The following CD9 variants were observed in gnomAD, a reference collection of about 807,000 sequenced individuals.
CD9 encodes CD9 molecule.
CD9 carries 10 observed loss-of-function variants against 31.4 expected under a neutral mutation model. The observed-to-expected ratio is 0.32, with a 90% confidence interval of 0.20 to 0.54. The LOEUF (loss-of-function observed/expected upper bound fraction) is 0.54, where lower values mean the gene tolerates loss of function less well. Among genes scored for constraint, CD9 ranks in the 20% least tolerant of loss-of-function variants. The pLI is 0.94. For missense variants in CD9, 259 were observed against 300.1 expected (o/e 0.86, Z 1.01); for synonymous variants, 113 against 114.1 (o/e 0.99, Z 0.06).
chr12:6,212,675 CT>C (rs889099950), intron 1 of CD9, among the ~76,000 whole-genome samples: 18 of 152,186 alleles, frequency 1.2e-4, no homozygotes, highest in Non-Finnish European at 2.1e-4. Context: ...GAAATAGGCA[CT>C]TTTTTTGAGC....
At chr12:6,213,706 G>A (rs143301885) in intron 1 of CD9, among the ~76,000 whole-genome samples, 74 of 152,274 alleles carry the variant, frequency 4.9e-4, no homozygotes, top group African/African-American at 1.7e-3. Context: ...CATTGCTTGT[G>A]TAGACACCAG....
intron 1 of CD9, chr12:6,206,183 A>C (rs564292057): frequency 6.7e-5 from 10 of 149,370 alleles, no homozygotes; most frequent in African/African-American, 2.0e-4. Context: ...ATGCAGGGGA[A>C]TAGGGGGCGG....
rs17850834 is a variant in CD9 at position 6,237,785 on chromosome 12, T to C, written c.644T>C (p.Met215Thr). 27 of 1,613,340 alleles carry C rather than the reference T, an allele frequency of 1.7e-5. No homozygotes were observed. Among genetic ancestry groups the C allele is most frequent in the Non-Finnish European group, 2.2e-5 (26 of 1,179,402 alleles). Residue 215 changes from methionine (M) to threonine (T), a missense_variant, in exon 8 of 8, where the codon ATG becomes ACG. Transcript: ENST00000009180. ...VVMIFGMIFS[M>T]ILCCAIRRNR... ...TAGATATTTGGCATGATCTTCAGTA[T>C]GATCTTGTGCTGTGCTATCCGCAGG...
chr12:6,223,599 A>T (rs894306364), intron 1 of CD9, among the ~76,000 whole-genome samples: 2 of 150,766 alleles, frequency 1.3e-5, no homozygotes, highest in Non-Finnish European at 2.9e-5. Flanking sequence ...CTGGGGGGGG[A>T]CCCAGGCCAG....
chr12:6,229,820 C>CTT (rs60302514), intron 2 of CD9, among the ~76,000 whole-genome samples: 15 of 136,028 alleles, frequency 1.1e-4, no homozygotes, highest in Non-Finnish European at 1.6e-4. Flanking sequence ...ACCAGCCTTT[C>CTT]TTTTTTTTTT....
rs776480948 is a variant in CD9 at position 6,235,193 on chromosome 12, T to C, written c.349-36T>C. The C allele has an allele frequency of 2.1e-6, 3 of 1,411,752 alleles. No individual in the cohort carries two copies. In the Admixed American group the frequency reaches 5.2e-5, roughly 24 times the overall value. The allele number at this position is 1,411,752 out of a possible 1,614,324, so 87.5% of individuals were successfully genotyped here. On this transcript the variant is annotated intron_variant, in intron 4 of 7. Transcript: ENST00000009180. ...TTGTTCGTGGAGGAAGATGTGAAAA[T>C]GCCGTCTCTGCCCCTCTCTCGTCTG...
chr12:6,218,698 C>A (rs1366864924), intron 1 of CD9, among the ~76,000 whole-genome samples: 1 of 152,148 alleles, frequency 6.6e-6, no homozygotes, highest in East Asian at 1.9e-4. Flanking sequence ...GATTTCTGAA[C>A]CTGTCCCTGC....
chr12:6,200,301 G>A (rs1349079111), upstream of CD9: 2 of 334,722 alleles, frequency 6.0e-6, no homozygotes, highest in Non-Finnish European at 5.4e-6. Context: ...TGGCCGGCGG[G>A]GGGAGTGGGG....
intron 2 of CD9, 26 bp downstream of exon 2, chr12:6,225,560 A>G (rs769451801): frequency 6.3e-6 from 9 of 1,421,196 alleles, no homozygotes. Context: ...GGCTCAGTGA[A>G]TTCAGACCCT....
chr12:6,216,660 G>T (rs997840983), intron 1 of CD9, among the ~76,000 whole-genome samples: 4 of 152,158 alleles, frequency 2.6e-5, no homozygotes, highest in African/African-American at 9.7e-5. Context: ...TCCAGTCTTA[G>T]TGGAGCTCTG....
chr12:6,200,135 A>G (rs1946055488), upstream of CD9: 1 of 152,078 alleles, frequency 6.6e-6, no homozygotes, highest in Admixed American at 6.6e-5. Flanking sequence ...CGGCTTGAAG[A>G]AGGAGTGGGT....
At chr12:6,215,272 A>G (rs556593522) in intron 1 of CD9, among the ~76,000 whole-genome samples, 12 of 152,340 alleles carry the variant, frequency 7.9e-5, no homozygotes, top group African/African-American at 1.9e-4. Context: ...CGGCACTGGC[A>G]TTTAGAAAGC....
In CD9 at chr12:6,232,516, G is replaced by A. The variant is rs899748378; in HGVS notation, c.176-116G>A. The A allele has an allele frequency of 5.6e-6, 4 of 712,660 alleles. No individual in the cohort carries two copies. The African/African-American group carries it at 7.0e-5, about 12-fold the overall frequency. 44.1% of individuals were successfully genotyped at this position (712,660 alleles called of 1,614,324 possible). ...AAGGGAACTTCTTCCCTGAGATGAG[G>A]GGAATAAGGAGGTGGGGAGGCAGGA... On this transcript the variant is annotated intron_variant, in intron 2 of 7. Transcript: ENST00000009180. The surrounding 1 kb of genome is among the most constrained non-coding windows in gnomAD (Gnocchi z 4.8).
intron 7 of CD9, chr12:6,236,797 C>T (rs375528528): frequency 2.0e-5 from 5 of 253,102 alleles, no homozygotes; most frequent in South Asian, 3.4e-4. Flanking sequence ...ACATGGTCCT[C>T]GCTGGGATGG....
chr12:6,219,185 T>C (rs1946269462), intron 1 of CD9, among the ~76,000 whole-genome samples: 1 of 151,848 alleles, frequency 6.6e-6, no homozygotes. Flanking sequence ...TTTGTAGTTT[T>C]AGTAGAGACG....
intron 7 of CD9, 102 bp downstream of exon 7, chr12:6,236,377 CACTT>C: frequency 9.9e-7 from 1 of 1,015,164 alleles, no homozygotes; most frequent in South Asian, 1.4e-5. Flanking sequence ...TTTGTCAACT[CACTT>C]TGTCCTCGTG....
intron 1 of CD9, among the ~76,000 whole-genome samples, chr12:6,223,925 G>A (rs1946327683): frequency 1.3e-5 from 2 of 152,330 alleles, no homozygotes; most frequent in Middle Eastern, 3.4e-3. Context: ...TTTGAACTCA[G>A]AACTCTCAAG....
At chr12:6,235,839 T>C in intron 6 of CD9, 1 of 1,375,832 alleles carries the variant, frequency 7.3e-7, no homozygotes, top group Non-Finnish European at 9.4e-7. Context: ...TTCTGAGTCT[T>C]GGACTCCCAC....
intron 6 of CD9, 139 bp from the exon 7 acceptor site, chr12:6,236,053 C>G: frequency 6.9e-7 from 1 of 1,456,530 alleles, no homozygotes; most frequent in Non-Finnish European, 9.1e-7. Flanking sequence ...GCCAGAACTT[C>G]TCTTATCCCC....
Sources: allele counts gnomAD v4.1 joint callset (sites outside exome capture counted in the v4.1 genomes callset), GRCh38; gene constraint gnomAD v4.1.1; non-coding constraint Gnocchi (gnomAD v3.1); transcripts MANE v1.5; gene names NCBI Gene and HGNC (gene_info 2026-07-23, HGNC 2026-07-21).